DMXL2: variants seen among roughly 807,000 people sequenced by gnomAD.
DMXL2 encodes Dmx like 2.
Under a neutral mutation model 331.1 loss-of-function variants are expected in DMXL2, and 103 were observed. That is an observed-to-expected ratio of 0.31 (90% confidence interval 0.27 to 0.37). DMXL2 has a LOEUF of 0.37. Among genes scored for constraint, DMXL2 ranks in the 10% least tolerant of loss-of-function variants. The pLI is 1.00. For synonymous variants in DMXL2, 1,281 were observed against 1,252.1 expected (o/e 1.02, Z -0.49); for missense variants, 3,171 against 3,642.9 (o/e 0.87, Z 3.33).
intron 29 of DMXL2, among the ~76,000 whole-genome samples, chr15:51,466,903 CA>C (rs1268978064): frequency 6.6e-6 from 1 of 151,414 alleles, no homozygotes; most frequent in Non-Finnish European, 1.5e-5. Context: ...AAAAAAATCC[CA>C]TTTTTTTTAG....
Position 51,448,558 on chromosome 15 carries a change from C to A in DMXL2, c.*426G>T. ...GTGGTCTAGCGCTCCTAACAAACAC[C>A]TTATGATTATCCTTCATTCAACAGA... On this transcript the variant is annotated 3_prime_UTR_variant, in exon 44 of 44. Transcript: ENST00000560891. 4.4e-6 allele frequency: 1 copy of A among 225,934 alleles called. No individual in the cohort carries two copies. The highest frequency in any genetic ancestry group is 2.4e-5 in the African/African-American group (1 of 41,590). 14.0% of individuals were successfully genotyped at this position (225,934 alleles called of 1,614,324 possible).
chr15:51,597,246 C>T (rs1017495540), intron 1 of DMXL2, among the ~76,000 whole-genome samples: 1 of 152,138 alleles, frequency 6.6e-6, no homozygotes, highest in African/African-American at 2.4e-5. Context: ...GTATTTCCAG[C>T]AACTCAAAAG....
chr15:51,452,269 AC>A, intron 41 of DMXL2, among the ~76,000 whole-genome samples: 1 of 152,328 alleles, frequency 6.6e-6, no homozygotes, highest in East Asian at 1.9e-4. Context: ...GGCAAATGCA[AC>A]AAAAATAAAT....
At chr15:51,455,115 T>A in intron 40 of DMXL2, 36 bp downstream of exon 40, 1 of 1,488,020 alleles carries the variant, frequency 6.7e-7, no homozygotes, top group Non-Finnish European at 9.4e-7. Flanking sequence ...CAAAGTGTTG[T>A]GTATATGCGC....
chr15:51,474,006 C>CTTTTTTTTTTTTTT (rs531233667), intron 28 of DMXL2, among the ~76,000 whole-genome samples: 1 of 142,288 alleles, frequency 7.0e-6, no homozygotes. Flanking sequence ...TTTGTTTTTG[C>CTTTTTTTTTTTTTT]TTTTTTTTTT....
At chr15:51,452,281 A>C (rs1283956720) in intron 41 of DMXL2, among the ~76,000 whole-genome samples, 2 of 152,332 alleles carry the variant, frequency 1.3e-5, no homozygotes, top group East Asian at 3.9e-4. Flanking sequence ...AAAAATAAAT[A>C]AATGGGACCT....
intron 1 of DMXL2, among the ~76,000 whole-genome samples, chr15:51,580,487 G>A (rs2051334520): frequency 6.6e-6 from 1 of 152,176 alleles, no homozygotes. Flanking sequence ...GGAATCCCTT[G>A]ACCGGATTAT....
chr15:51,448,265 T>C lies in DMXL2; in HGVS notation c.*719A>G, dbSNP rs1278874983. On this transcript the variant is annotated 3_prime_UTR_variant, in exon 44 of 44. Transcript: ENST00000560891. ...ACTAAACTGGACTAAGAAGGTGTGTTTGGTTAACTACAAATATGTCATGTT... is the reference window on the plus strand; with the variant it reads ...ACTAAACTGGACTAAGAAGGTGTGTCTGGTTAACTACAAATATGTCATGTT... 1 of 152,730 alleles carries C rather than the reference T, an allele frequency of 6.5e-6. No homozygotes were observed. The highest frequency in any genetic ancestry group is 1.5e-5 in the Non-Finnish European group (1 of 68,096). 9.5% of individuals were successfully genotyped at this position (152,730 alleles called of 1,614,324 possible). A position where few individuals can be genotyped will look rare whatever the true frequency, so the allele number is the denominator to read the frequency against.
rs139108426 is a variant in DMXL2 at position 51,529,463 on chromosome 15, CT to C, written c.2436+6199del. On this transcript the variant is annotated intron_variant, in intron 13 of 43. Coordinates refer to ENST00000560891, the MANE Select transcript of DMXL2 (RefSeq NM_001378457.1). ...AAGAAATTGAAAGGATCAACAGTGGCTACTATGATCAACTATATGCCAATAA... is the reference window on the plus strand; with the variant it reads ...AAGAAATTGAAAGGATCAACAGTGGCACTATGATCAACTATATGCCAATAA... Among the ~76,000 whole-genome samples the C allele has an allele frequency of 9.8e-3, 1,498 of 152,158 alleles. 18 individuals carry two copies. Among genetic ancestry groups the C allele is most frequent in the African/African-American group, 0.035 (1,442 of 41,524 alleles).
In DMXL2 at chr15:51,486,152, G is replaced by C. The variant is rs376588872; in HGVS notation, c.5403C>G (p.Ala1801=). 6.2e-7 allele frequency: 1 copy of C among 1,613,880 alleles called. No homozygotes were observed. Among genetic ancestry groups the C allele is most frequent in the African/African-American group, 1.3e-5 (1 of 74,882 alleles). The change falls in exon 23 of 44, where the codon GCC becomes GCG. Residue 1801 remains alanine, a synonymous_variant. Coordinates refer to ENST00000560891, the MANE Select transcript of DMXL2 (RefSeq NM_001378457.1). The part of the protein sequence containing the change: ...LHPDPFLRSL[A]YWVMKDYTRA... The stretch of plus-strand genomic sequence containing the variant: ...GGGTGTAATCTTTCATTACCCAATA[G>C]GCAAGACTACGCAGGAAAGGATCAG...
chr15:51,564,141 A>T lies in DMXL2; in HGVS notation c.484T>A (p.Cys162Ser). Residue 162 changes from cysteine (C) to serine (S), a missense_variant, in exon 5 of 44, where the codon TGT becomes AGT. Around this residue, in one of 7 missense-constraint regions of DMXL2, gnomAD observed 1,674 missense variants for 1,780.2 expected, o/e 0.94. Coordinates refer to ENST00000560891, the MANE Select transcript of DMXL2 (RefSeq NM_001378457.1). ...TVPPVLNDWK[C>S]VWQCKTSVSV... ...GACACTAACTTGCACTGCCAGACAC[A>T]CTTCCAATCATTTAAAACAGGAGGA... 6.2e-7 allele frequency: 1 copy of T among 1,601,094 alleles called. No homozygotes were observed. Among genetic ancestry groups the T allele is most frequent in the Non-Finnish European group, 8.5e-7 (1 of 1,175,252 alleles).
intron 1 of DMXL2, among the ~76,000 whole-genome samples, chr15:51,591,650 C>T (rs1401559246): frequency 6.6e-6 from 1 of 152,170 alleles, no homozygotes; most frequent in South Asian, 2.1e-4. Context: ...GTCCCTGACC[C>T]CCGAGTAGCC....
chr15:51,619,121 C>T (rs2054473054), intron 1 of DMXL2, among the ~76,000 whole-genome samples: 1 of 152,116 alleles, frequency 6.6e-6, no homozygotes, highest in South Asian at 2.1e-4. Flanking sequence ...AAAGTAATAA[C>T]ATAAATAATG....
intron 13 of DMXL2, among the ~76,000 whole-genome samples, chr15:51,518,039 T>C (rs1183836349): frequency 6.6e-6 from 1 of 152,108 alleles, no homozygotes; most frequent in Non-Finnish European, 1.5e-5. Flanking sequence ...CATTTAGAAA[T>C]GGTGTTAACA....
rs1032588974 is a variant in DMXL2 at position 51,489,677 on chromosome 15, G to T, written c.4954-1032C>A. Among the ~76,000 whole-genome samples, 18 of 151,378 alleles carry T rather than the reference G, an allele frequency of 1.2e-4. No individual in the cohort carries two copies. In the East Asian group the frequency reaches 3.3e-3, roughly 28 times the overall value. ...CTCAAAGAAAAAAAAAAGAAAGAAA[G>T]AAAGAAAAAGAAAAAAGAAAATGCT... is the stretch of plus-strand genomic sequence containing the variant. On this transcript the variant is annotated intron_variant, in intron 20 of 43. Coordinates refer to ENST00000560891, the MANE Select transcript of DMXL2 (RefSeq NM_001378457.1).
At chr15:51,575,541 T>C (rs2141128813) in intron 2 of DMXL2, among the ~76,000 whole-genome samples, 1 of 152,210 alleles carries the variant, frequency 6.6e-6, no homozygotes. Context: ...ATTTTAACTA[T>C]TTCAAAATAA....
chr15:51,454,553 G>A (rs192940848), intron 40 of DMXL2, among the ~76,000 whole-genome samples: 1 of 152,292 alleles, frequency 6.6e-6, no homozygotes, highest in African/African-American at 2.4e-5. Context: ...CTAGAGCGCA[G>A]TGGCACAATC....
chr15:51,500,379 C>T, intron 17 of DMXL2, 148 bp from the exon 18 acceptor site: 2 of 820,944 alleles, frequency 2.4e-6, no homozygotes, highest in Non-Finnish European at 3.7e-6. Context: ...AACTAGTATC[C>T]CACTAAATGT....
chr15:51,600,234 G>T (rs2053132858), intron 1 of DMXL2, among the ~76,000 whole-genome samples: 1 of 152,094 alleles, frequency 6.6e-6, no homozygotes, highest in Admixed American at 6.6e-5. Context: ...CCTCAATGTG[G>T]TCAATCAAGA....
Sources: gnomAD v4.1 joint callset for allele counts (sites outside exome capture counted in the v4.1 genomes callset) on GRCh38, gnomAD v4.1.1 for gene constraint, gnomAD v4.1.1 regional missense constraint, MANE v1.5 for transcripts, NCBI Gene and HGNC (gene_info 2026-07-23, HGNC 2026-07-21) for gene names.